The following GAS2 variants were observed in gnomAD, a reference collection of about 807,000 sequenced individuals.
GAS2 encodes the protein growth arrest specific 2.
GAS2 carries 20 observed loss-of-function variants against 37.5 expected under a neutral mutation model. That is an observed-to-expected ratio of 0.53 (90% CI 0.37 to 0.77). The LOEUF (loss-of-function observed/expected upper bound fraction) is 0.77. Among genes scored for constraint, GAS2 ranks in the 30% least tolerant of loss-of-function variants. The pLI, the probability that GAS2 is intolerant of heterozygous loss-of-function variation, is 0.00. For missense variants in GAS2, 336 were observed against 373.4 expected (o/e 0.90, Z 0.82); for synonymous variants, 144 against 132.2 (o/e 1.09, Z -0.61).
intron 5 of GAS2, among the ~76,000 whole-genome samples, chr11:22,744,434 G>A (rs114703206): frequency 0.013 from 2,045 of 152,076 alleles, 52 homozygotes; most frequent in African/African-American, 0.047. Flanking sequence ...ACAGCACATC[G>A]AAAAGTTAAT....
At chr11:22,685,824 G>T in intron 3 of GAS2, 35 bp downstream of exon 3, 1 of 1,577,938 alleles carries the variant, frequency 6.3e-7, no homozygotes, top group South Asian at 1.2e-5. Context: ...ACTCTTAGGT[G>T]GTAGATTACA....
At chr11:22,796,582 A>G (rs1434305971) in intron 7 of GAS2, among the ~76,000 whole-genome samples, 1 of 152,150 alleles carries the variant, frequency 6.6e-6, no homozygotes, top group Non-Finnish European at 1.5e-5. Context: ...GTATTTAGTA[A>G]TACTTATTTT....
intron 1 of GAS2, among the ~76,000 whole-genome samples, chr11:22,643,139 G>T (rs1009239051): frequency 2.0e-5 from 3 of 151,886 alleles, no homozygotes. Flanking sequence ...CCAGCTTTGG[G>T]TTGGCTGGTT....
chr11:22,760,515 C>T (rs1854329219), intron 7 of GAS2, among the ~76,000 whole-genome samples: 1 of 152,092 alleles, frequency 6.6e-6, no homozygotes, highest in African/African-American at 2.4e-5. Context: ...ACCAACAACG[C>T]AATTCAAAAT....
chr11:22,697,199 G>C lies in GAS2; in HGVS notation c.267+11410G>C, dbSNP rs1565093807. On this transcript the variant is annotated intron_variant, in intron 3 of 7. Coordinates refer to ENST00000454584, the MANE Select transcript of GAS2 (RefSeq NM_001143830.3). ...TTCCCAGCACCATTTATTAAATAGG[G>C]AATCCTTTCCCCATTGCTTGTTTTT... 5.3e-5 allele frequency among the ~76,000 whole-genome samples: 8 copies of C among 152,134 alleles called. No homozygotes were observed. In the South Asian group the frequency reaches 1.7e-3, roughly 32 times the overall value.
intron 1 of GAS2, among the ~76,000 whole-genome samples, chr11:22,645,520 T>TATAC (rs1554965156): frequency 3.3e-5 from 5 of 150,404 alleles, no homozygotes; most frequent in African/African-American, 9.8e-5. Flanking sequence ...TATATATATA[T>TATAC]ACACACACAC....
intron 6 of GAS2, among the ~76,000 whole-genome samples, chr11:22,754,704 A>G (rs149975893): frequency 1.3e-5 from 2 of 152,046 alleles, no homozygotes; most frequent in Admixed American, 1.3e-4. Context: ...CCTTTACATT[A>G]ACATTCAATT....
Position 22,649,753 on chromosome 11 carries a change from C to G in GAS2, c.-21+23940C>G, listed in dbSNP as rs201778581. On this transcript the variant is annotated intron_variant, in intron 1 of 5. Coordinates refer to the GAS2 transcript ENST00000528582. ...ACGGTAGTTTGTATTTCTGTGGGAT[C>G]GGTGGTGATATCCCCTTTATCATTT... Among the ~76,000 whole-genome samples the G allele has an allele frequency of 3.8e-3, 572 of 151,926 alleles. 15 individuals are homozygous for G. In the East Asian group the frequency reaches 0.077, roughly 20 times the overall value.
chr11:22,735,068 A>G (rs529032603), intron 4 of GAS2, among the ~76,000 whole-genome samples: 7 of 151,524 alleles, frequency 4.6e-5, no homozygotes, highest in Non-Finnish European at 1.0e-4. Context: ...CATCATCACA[A>G]CCCCTATCAC....
intron 5 of GAS2, among the ~76,000 whole-genome samples, chr11:22,741,680 A>C (rs1025892694): frequency 6.6e-6 from 1 of 152,172 alleles, no homozygotes; most frequent in African/African-American, 2.4e-5. Context: ...ATTCTTATAC[A>C]AAGATGATTA....
At position 22,737,780 on chromosome 11, in the gene GAS2, C is replaced by T; in HGVS notation, c.473+12C>T. ...CGGATTGCAGCCAGGTAGGTCAAACCACTGCAACTATGTCAAGACATTGAC... is the reference window on the plus strand; with the variant it reads ...CGGATTGCAGCCAGGTAGGTCAAACTACTGCAACTATGTCAAGACATTGAC... On this transcript the variant is annotated intron_variant, in intron 5 of 7. Transcript: ENST00000454584. 6.2e-7 allele frequency: 1 copy of T among 1,612,282 alleles called. No individual in the cohort carries two copies. The highest frequency in any genetic ancestry group is 8.5e-7 in the Non-Finnish European group (1 of 1,178,322).
intron 1 of GAS2, among the ~76,000 whole-genome samples, chr11:22,653,352 A>G (rs765081153): frequency 6.6e-6 from 1 of 152,200 alleles, no homozygotes; most frequent in Non-Finnish European, 1.5e-5. Context: ...AGATAATTAC[A>G]TTTCATTGTG....
chr11:22,796,898 C>T (rs1353714223), intron 7 of GAS2, among the ~76,000 whole-genome samples: 2 of 152,022 alleles, frequency 1.3e-5, no homozygotes, highest in Non-Finnish European at 2.9e-5. Context: ...CCATGGAGCC[C>T]AGCTTCCCTT....
intron 7 of GAS2, among the ~76,000 whole-genome samples, chr11:22,780,279 G>A (rs187223241): frequency 6.6e-6 from 1 of 152,124 alleles, no homozygotes; most frequent in East Asian, 1.9e-4. Flanking sequence ...GGTGGATCAC[G>A]AGGTCAGGAG....
rs766611048 is a variant in GAS2 at position 22,749,247 on chromosome 11, T to G, written c.601T>G (p.Leu201Val). The change falls in exon 6 of 8, where the codon TTA (leucine) becomes GTA (valine). Residue 201 changes from leucine to valine, a missense_variant. Coordinates refer to ENST00000454584, the MANE Select transcript of GAS2 (RefSeq NM_001143830.3). The part of the protein sequence containing the change: ...KSSGKKSTGN[L>V]LDDAVKRISE... ...TTCTGGAAAAAAGAGTACAGGAAACTTACTGGATGATGCAGTAAGTAAAAT... is the reference window on the plus strand; with the variant it reads ...TTCTGGAAAAAAGAGTACAGGAAACGTACTGGATGATGCAGTAAGTAAAAT... 1.2e-6 allele frequency: 2 copies of G among 1,611,744 alleles called. No individual in the cohort carries two copies. Among genetic ancestry groups the G allele is most frequent in the East Asian group, 4.5e-5 (2 of 44,778 alleles).
At chr11:22,664,296 AAG>A (rs1417660147), upstream of GAS2, among the ~76,000 whole-genome samples, 9 of 150,934 alleles carry the variant, frequency 6.0e-5, no homozygotes, top group Admixed American at 2.0e-4. Context: ...GAGAAGGACT[AAG>A]AGAGAAAAGG....
At chr11:22,792,741 C>A (rs577312999) in intron 7 of GAS2, among the ~76,000 whole-genome samples, 1 of 152,292 alleles carries the variant, frequency 6.6e-6, no homozygotes, top group African/African-American at 2.4e-5. Context: ...CAGCATGTGA[C>A]CAGCTCTGAA....
chr11:22,737,505 C>T (rs1436796949), intron 4 of GAS2, among the ~76,000 whole-genome samples, 200 bp from the exon 5 acceptor site: 1 of 152,082 alleles, frequency 6.6e-6, no homozygotes, highest in East Asian at 1.9e-4. Flanking sequence ...CAAGAGGAAG[C>T]ATAGGCAGAG....
chr11:22,765,193 T>C (rs1854620972), intron 7 of GAS2, among the ~76,000 whole-genome samples: 1 of 152,186 alleles, frequency 6.6e-6, no homozygotes. Flanking sequence ...TGTATATATG[T>C]ATGTATATAT....
Sources: allele counts gnomAD v4.1 joint callset (sites outside exome capture counted in the v4.1 genomes callset), GRCh38; gene constraint gnomAD v4.1.1; transcripts MANE v1.5; gene names NCBI Gene and HGNC (gene_info 2026-07-23, HGNC 2026-07-21).